DDAH1: variants seen among roughly 807,000 people sequenced by gnomAD.
The protein encoded by DDAH1 is N(G),N(G)-dimethylarginine dimethylaminohydrolase 1.
A neutral mutation model predicts 28.8 loss-of-function variants in DDAH1; 19 were observed. The observed-to-expected ratio is 0.66, with a 90% CI of 0.46 to 0.97. DDAH1 has a LOEUF of 0.97. Ranked by LOEUF, DDAH1 falls within the 50% of genes least tolerant of loss-of-function variation. DDAH1 has a pLI of 0.00. For synonymous variants in DDAH1, 153 were observed against 154.4 expected, an observed-to-expected ratio of 0.99 and a Z score of 0.07; for missense variants, 326 against 375.9, an observed-to-expected ratio of 0.87 and a Z score of 1.10.
intron 2 of DDAH1, among the ~76,000 whole-genome samples, chr1:85,484,090 C>G (rs927446417): frequency 1.5e-4 from 23 of 152,134 alleles, no homozygotes; most frequent in African/African-American, 5.5e-4. Context: ...GGCAAAAATG[C>G]ACTTCTCAGT....
chr1:85,411,294 G>T (rs958759542), intron 1 of DDAH1, among the ~76,000 whole-genome samples: 3 of 152,210 alleles, frequency 2.0e-5, no homozygotes, highest in African/African-American at 7.2e-5. Context: ...TGGAACAATT[G>T]CAGTAAGTAG....
At chr1:85,324,272 A>AAATAATAATAATAAT (rs71075831) in intron 5 of DDAH1, among the ~76,000 whole-genome samples, 3,320 of 142,214 alleles carry the variant, frequency 0.023, 49 homozygotes, top group South Asian at 0.045. Context: ...CCTGTCTCAA[A>AAATAATAATAATAAT]AATAATAATA....
At chr1:85,386,329 A>T (rs906177372) in intron 1 of DDAH1, among the ~76,000 whole-genome samples, 2 of 152,210 alleles carry the variant, frequency 1.3e-5, no homozygotes, top group African/African-American at 4.8e-5. Context: ...TCCAAGATAC[A>T]ATGTTTGTAC....
chr1:85,426,194 C>T (rs1208631511), intron 1 of DDAH1, among the ~76,000 whole-genome samples: 1 of 152,092 alleles, frequency 6.6e-6, no homozygotes, highest in African/African-American at 2.4e-5. Flanking sequence ...TTTCCCATTC[C>T]TTGTTTCCTT....
Position 85,456,814 on chromosome 1 carries a change from C to T in DDAH1, c.303+7929G>A, listed in dbSNP as rs74098838. On this transcript the variant is annotated intron_variant, in intron 1 of 5. Coordinates refer to ENST00000284031, the MANE Select transcript of DDAH1 (RefSeq NM_012137.4). ...AAATTATGGGTCAAGGGGGAAAACCCCCAGCAAAGAATATACTGATAACTT... is the reference window on the plus strand; with the variant it reads ...AAATTATGGGTCAAGGGGGAAAACCTCCAGCAAAGAATATACTGATAACTT... Among the ~76,000 whole-genome samples, 848 of 152,214 alleles carry T rather than the reference C, an allele frequency of 5.6e-3. 11 individuals are homozygous for T. The highest frequency in any genetic ancestry group is 0.02 in the African/African-American group (813 of 41,534).
At chr1:85,454,431 A>G (rs1654795001) in intron 1 of DDAH1, among the ~76,000 whole-genome samples, 1 of 152,210 alleles carries the variant, frequency 6.6e-6, no homozygotes. Context: ...CTGGATAGAA[A>G]GTAATGCTGA....
intron 1 of DDAH1, among the ~76,000 whole-genome samples, chr1:85,364,143 G>A (rs550193628): frequency 6.6e-6 from 1 of 152,160 alleles, no homozygotes; most frequent in South Asian, 2.1e-4. Flanking sequence ...CTGACTTGCC[G>A]AGTCAAGCCT....
At chr1:85,514,984 CT>C (rs1390721766) in intron 1 of DDAH1, among the ~76,000 whole-genome samples, 1 of 141,076 alleles carries the variant, frequency 7.1e-6, no homozygotes, top group African/African-American at 2.7e-5. Context: ...AATATCATTG[CT>C]TCTATGTTCT....
At chr1:85,343,542 C>T (rs544853887) in intron 4 of DDAH1, among the ~76,000 whole-genome samples, 1 of 152,282 alleles carries the variant, frequency 6.6e-6, no homozygotes, top group African/African-American at 2.4e-5. Flanking sequence ...GATAGTAAGA[C>T]AAAATTAAAC....
At chr1:85,381,949 G>A (rs1044792516) in intron 1 of DDAH1, among the ~76,000 whole-genome samples, 2 of 152,090 alleles carry the variant, frequency 1.3e-5, no homozygotes, top group African/African-American at 2.4e-5. Flanking sequence ...CCTCTCCTGG[G>A]GGTCTACCTA....
chr1:85,327,369 C>T lies in DDAH1; in HGVS notation c.598-2486G>A, dbSNP rs114092156. On this transcript the variant is annotated intron_variant, in intron 4 of 5. Coordinates refer to ENST00000284031, the MANE Select transcript of DDAH1 (RefSeq NM_012137.4). ...CATAAAAGACTAGACCTACCATATT[C>T]TCACAATTACTTCTTCAGCTTCCTT... Among the ~76,000 whole-genome samples the T allele has an allele frequency of 3.2e-3, 488 of 152,244 alleles. 4 individuals carry two copies. The highest frequency in any genetic ancestry group is 0.01 in the African/African-American group (434 of 41,554).
At chr1:85,377,446 C>T (rs1204375523) in intron 1 of DDAH1, among the ~76,000 whole-genome samples, 1 of 152,066 alleles carries the variant, frequency 6.6e-6, no homozygotes, top group Non-Finnish European at 1.5e-5. Context: ...GAGGAGCCAT[C>T]TGCCATCTAA....
intron 1 of DDAH1, among the ~76,000 whole-genome samples, chr1:85,447,203 A>G (rs1654475204): frequency 6.6e-6 from 1 of 152,174 alleles, no homozygotes; most frequent in Non-Finnish European, 1.5e-5. Flanking sequence ...TGGCCTCTGA[A>G]GCTACATCTG....
chr1:85,361,496 C>G (rs1649793506), intron 1 of DDAH1, among the ~76,000 whole-genome samples: 1 of 152,122 alleles, frequency 6.6e-6, no homozygotes. Context: ...ATTCCAACGG[C>G]TGAGCTGAAT....
At chr1:85,445,615 A>G (rs372966929) in intron 1 of DDAH1, among the ~76,000 whole-genome samples, 1 of 152,118 alleles carries the variant, frequency 6.6e-6, no homozygotes, top group Non-Finnish European at 1.5e-5. Flanking sequence ...TTACTTACCT[A>G]CTTATTTATT....
At chr1:85,375,495 C>T (rs1650611406) in intron 1 of DDAH1, among the ~76,000 whole-genome samples, 1 of 152,088 alleles carries the variant, frequency 6.6e-6, no homozygotes. Context: ...TCTACTCATT[C>T]CAAAGTGTAT....
chr1:85,429,660 C>A (rs553626613), intron 1 of DDAH1, among the ~76,000 whole-genome samples: 4 of 152,324 alleles, frequency 2.6e-5, no homozygotes, highest in Admixed American at 6.5e-5. Flanking sequence ...TGTTTCTCCA[C>A]ATCCTCTCCA....
intron 1 of DDAH1, among the ~76,000 whole-genome samples, chr1:85,576,358 G>C (rs1457487628): frequency 6.6e-6 from 1 of 152,174 alleles, no homozygotes; most frequent in African/African-American, 2.4e-5. Flanking sequence ...GCGTCCCCAA[G>C]GCCACAGCCT....
chr1:85,500,071 TCTTTC>T lies in DDAH1; in HGVS notation c.-122-3795_-122-3791del, dbSNP rs374890211. Among the ~76,000 whole-genome samples the T allele has an allele frequency of 1.5e-3, 233 of 151,906 alleles. 3 individuals are homozygous for T. The South Asian group carries it at 0.019, about 12-fold the overall frequency. On this transcript the variant is annotated intron_variant, in intron 1 of 6. Coordinates refer to the DDAH1 transcript ENST00000426972. ...TCTTTCTCTCTCTTTTCTTTTCTTT[TCTTTC>T]CTTTCCTTCCTTCCTTCCCTCCTTC...
Sources: gnomAD v4.1 joint callset for allele counts (sites outside exome capture counted in the v4.1 genomes callset) on GRCh38, gnomAD v4.1.1 for gene constraint, MANE v1.5 for transcripts, NCBI Gene and HGNC (gene_info 2026-07-23, HGNC 2026-07-21) for gene names.